ARFGAP3: variants seen among roughly 807,000 people sequenced by gnomAD.
The protein encoded by ARFGAP3 is ADP-ribosylation factor GTPase-activating protein 3.
ARFGAP3 carries 72 observed loss-of-function variants against 75.0 expected under a neutral mutation model. The ratio of observed to expected loss-of-function variants is 0.96; its 90% confidence interval spans 0.79 to 1.17. The LOEUF (loss-of-function observed/expected upper bound fraction) is 1.17. ARFGAP3 is among the 50% of genes most tolerant of loss of function. The pLI is 0.00. For synonymous variants in ARFGAP3, 221 were observed against 217.9 expected, an observed-to-expected ratio of 1.01 and a Z score of -0.13; for missense variants, 620 against 626.6, an observed-to-expected ratio of 0.99 and a Z score of 0.11.
chr22:42,827,523 T>C (rs894313110), intron 6 of ARFGAP3, among the ~76,000 whole-genome samples: 6 of 152,284 alleles, frequency 3.9e-5, no homozygotes, highest in Middle Eastern at 6.8e-3. Context: ...TGCGCCACCA[T>C]GCCCGGCTAA....
chr22:42,804,376 AT>A (rs1169858932), intron 14 of ARFGAP3, among the ~76,000 whole-genome samples: 10,726 of 74,246 alleles, frequency 0.14, 605 homozygotes, highest in East Asian at 0.41. Context: ...CACCCAGCTA[AT>A]TTTTTTTTTT....
chr22:42,856,479 G>A (rs893391364), intron 1 of ARFGAP3, among the ~76,000 whole-genome samples: 43 of 152,238 alleles, frequency 2.8e-4, no homozygotes, highest in African/African-American at 1.0e-3. Flanking sequence ...AAAGTTCCAG[G>A]GAGAGAACAG....
intron 15 of ARFGAP3, among the ~76,000 whole-genome samples, chr22:42,797,909 A>T (rs1811846): frequency 0.65 from 99,584 of 152,076 alleles, 34,549 homozygotes; most frequent in African/African-American, 0.88. Flanking sequence ...GGCCAGAGGC[A>T]ACTTGCTGAG....
At chr22:42,800,410 A>G (rs921679766) in intron 14 of ARFGAP3, among the ~76,000 whole-genome samples, 1 of 152,198 alleles carries the variant, frequency 6.6e-6, no homozygotes, top group African/African-American at 2.4e-5. Flanking sequence ...ACACACCTGT[A>G]ACCCTAGCTA....
At chr22:42,837,671 A>ACTT (rs1188048441) in intron 3 of ARFGAP3, among the ~76,000 whole-genome samples, 1 of 86,928 alleles carries the variant, frequency 1.2e-5, no homozygotes, top group African/African-American at 6.1e-5. Flanking sequence ...TCTAAGGCAT[A>ACTT]CTTCTTTTTT....
At chr22:42,803,856 G>A (rs1410864027) in intron 14 of ARFGAP3, among the ~76,000 whole-genome samples, 1 of 151,202 alleles carries the variant, frequency 6.6e-6, no homozygotes, top group East Asian at 1.9e-4. Flanking sequence ...AAGGAACACA[G>A]AACTGATTGT....
At chr22:42,804,366 C>T (rs893721732) in intron 14 of ARFGAP3, among the ~76,000 whole-genome samples, 2 of 147,556 alleles carry the variant, frequency 1.4e-5, no homozygotes, top group African/African-American at 5.0e-5. Flanking sequence ...CCCACCACCA[C>T]ACCCAGCTAA....
Position 42,835,528 on chromosome 22 carries a change from A to G in ARFGAP3, c.262-35T>C, listed in dbSNP as rs751162076. The stretch of plus-strand genomic sequence containing the variant: ...AAAGCATGCACATTAATATTTTCGT[A>G]AAACTACGTATGGCCAGGCGCAGTG... On this transcript the variant is annotated intron_variant, in intron 3 of 15. Transcript: ENST00000263245. The G allele has an allele frequency of 3.1e-6, 5 of 1,609,518 alleles. No homozygotes were observed. In the South Asian group the frequency reaches 3.3e-5, roughly 11 times the overall value.
intron 4 of ARFGAP3, 101 bp from the exon 5 acceptor site, chr22:42,834,426 T>G: frequency 1.3e-6 from 2 of 1,522,752 alleles, no homozygotes; most frequent in East Asian, 4.6e-5. Context: ...TCCTAAAGAT[T>G]GGTGCTTTCC....
chr22:42,846,250 G>A (rs1484342789), intron 2 of ARFGAP3, among the ~76,000 whole-genome samples: 2 of 152,200 alleles, frequency 1.3e-5, no homozygotes, highest in African/African-American at 4.8e-5. Context: ...TTGTCTGGGG[G>A]AGGCAGCAAT....
Position 42,823,680 on chromosome 22 carries a change from CTTTTT to C in ARFGAP3, c.643_647del (p.Lys215GlufsTer6), listed in dbSNP as rs1328173134. On this transcript the variant is annotated frameshift_variant, in exon 8 of 16. Transcript: ENST00000263245. LOFTEE classifies it high-confidence loss of function. Reference sequence around the variant, plus strand: ...CGCCTTTTTTAGCTTGATTTGGTTTCTTTTTTATGATAGAGGATACCTCTGCCAAA... The same window carrying C: ...CGCCTTTTTTAGCTTGATTTGGTTTCTATGATAGAGGATACCTCTGCCAAA... The C allele has an allele frequency of 6.4e-7, 1 of 1,570,304 alleles. No homozygotes were observed. The highest frequency in any genetic ancestry group is 1.2e-5 in the South Asian group (1 of 84,742).
chr22:42,830,803 T>C (rs1434951026), intron 6 of ARFGAP3, among the ~76,000 whole-genome samples: 1 of 152,252 alleles, frequency 6.6e-6, no homozygotes, highest in African/African-American at 2.4e-5. Flanking sequence ...ATACTCATTA[T>C]AAAAGTTCAG....
At chr22:42,848,935 C>T (rs1277278277) in intron 1 of ARFGAP3, among the ~76,000 whole-genome samples, 2 of 152,284 alleles carry the variant, frequency 1.3e-5, no homozygotes, top group African/African-American at 4.8e-5. Flanking sequence ...CCTGTCTCCC[C>T]CACTCTCTTT....
intron 2 of ARFGAP3, among the ~76,000 whole-genome samples, chr22:42,841,674 C>A (rs975911235): frequency 1.3e-5 from 2 of 152,040 alleles, no homozygotes; most frequent in African/African-American, 4.8e-5. Flanking sequence ...ACTGAATCCA[C>A]AGAAATGAGC....
At chr22:42,804,430 G>A (rs1047084352) in intron 14 of ARFGAP3, among the ~76,000 whole-genome samples, 6 of 137,364 alleles carry the variant, frequency 4.4e-5, no homozygotes, top group Non-Finnish European at 9.1e-5. Context: ...TCTCCAGGCT[G>A]GAGTGCAGCG....
At chr22:42,818,888 C>T (rs1360154680) in intron 9 of ARFGAP3, among the ~76,000 whole-genome samples, 1 of 150,030 alleles carries the variant, frequency 6.7e-6, no homozygotes, top group African/African-American at 2.5e-5. Context: ...TCTTGGCTCA[C>T]TGCAACCTCC....
intron 5 of ARFGAP3, 45 bp downstream of exon 5, chr22:42,834,197 G>GT (rs772199305): frequency 1.3e-6 from 2 of 1,556,078 alleles, no homozygotes; most frequent in African/African-American, 1.4e-5. Context: ...TTTGTTAACT[G>GT]TCAGAGTAAG....
At chr22:42,819,642 G>C (rs1186696692) in intron 9 of ARFGAP3, among the ~76,000 whole-genome samples, 1 of 152,198 alleles carries the variant, frequency 6.6e-6, no homozygotes, top group Non-Finnish European at 1.5e-5. Flanking sequence ...GGCACACAGA[G>C]AGCCTCTGAG....
chr22:42,834,391 C>A, intron 4 of ARFGAP3, 66 bp from the exon 5 acceptor site: 2 of 1,573,814 alleles, frequency 1.3e-6, no homozygotes, highest in Non-Finnish European at 8.6e-7. Flanking sequence ...TATTTGATAC[C>A]TTTCACTTCC....
Sources: gnomAD v4.1 joint callset for allele counts (sites outside exome capture counted in the v4.1 genomes callset) on GRCh38, gnomAD v4.1.1 for gene constraint, MANE v1.5 for transcripts, NCBI Gene and HGNC (gene_info 2026-07-23, HGNC 2026-07-21) for gene names.